Variants in ITGB6 observed in about 807,000 individuals in gnomAD.
ITGB6 encodes integrin beta-6.
ITGB6 carries 80 observed loss-of-function variants against 84.5 expected under a neutral mutation model. The ratio of observed to expected loss-of-function variants is 0.95; its 90% CI spans 0.79 to 1.14. ITGB6 has a LOEUF of 1.14. ITGB6 is among the 50% of genes most tolerant of loss of function. The probability of loss-of-function intolerance (pLI) is 0.00; values close to 1 mark genes in which losing one functional copy is unlikely to be tolerated. For synonymous variants in ITGB6, 383 were observed against 354.9 expected, an observed-to-expected ratio of 1.08 and a Z score of -0.89; for missense variants, 1,006 against 968.0, an observed-to-expected ratio of 1.04 and a Z score of -0.52.
intron 10 of ITGB6, among the ~76,000 whole-genome samples, chr2:160,134,094 C>CA (rs1182427352): frequency 1.2e-4 from 18 of 152,024 alleles, no homozygotes; most frequent in African/African-American, 3.9e-4. Flanking sequence ...TAAAACCCTT[C>CA]AAAAAATCAA....
intron 10 of ITGB6, among the ~76,000 whole-genome samples, chr2:160,134,367 T>C (rs1446410922): frequency 2.6e-5 from 4 of 152,172 alleles, no homozygotes; most frequent in Non-Finnish European, 2.9e-5. Context: ...AGAAGTTGAA[T>C]CTCTGAATAG....
At chr2:160,115,505 C>G (rs1682727599) in intron 12 of ITGB6, among the ~76,000 whole-genome samples, 1 of 152,214 alleles carries the variant, frequency 6.6e-6, no homozygotes, top group South Asian at 2.1e-4. Context: ...ACCAAAAACC[C>G]TTCTGTACAT....
intron 4 of ITGB6, among the ~76,000 whole-genome samples, chr2:160,189,402 C>T (rs191689569): frequency 3.9e-5 from 6 of 152,258 alleles, no homozygotes; most frequent in East Asian, 1.9e-4. Flanking sequence ...AAACCACCAT[C>T]GGAATGAACA....
Position 160,150,661 on chromosome 2 carries a change from G to A in ITGB6, c.1018-8590C>T, listed in dbSNP as rs140430938. 1.1e-3 allele frequency among the ~76,000 whole-genome samples: 168 copies of A among 152,234 alleles called. 2 individuals carry two copies. The highest frequency in any genetic ancestry group is 1.9e-3 in the Non-Finnish European group (130 of 68,012). ...TGTCCCAATTAAAAGACACAGACTG[G>A]CAAATTGGATAAGGAGTCAAGACCC... On this transcript the variant is annotated intron_variant, in intron 7 of 14. Transcript: ENST00000283249.
chr2:160,152,216 A>G lies in ITGB6; in HGVS notation c.1018-10145T>C, dbSNP rs190434375. Among the ~76,000 whole-genome samples, 1,329 of 152,286 alleles carry G rather than the reference A, an allele frequency of 8.7e-3. 27 individuals are homozygous for G. Among genetic ancestry groups the G allele is most frequent in the African/African-American group, 0.031 (1,283 of 41,566 alleles). ...ATCCTCAATAAAATACTGGCAAACCAAATCCAGCAGCACATCAAAAAAGCT... is the reference window on the plus strand; with the variant it reads ...ATCCTCAATAAAATACTGGCAAACCGAATCCAGCAGCACATCAAAAAAGCT... On this transcript the variant is annotated intron_variant, in intron 7 of 14. Transcript: ENST00000283249.
intron 4 of ITGB6, among the ~76,000 whole-genome samples, chr2:160,180,626 A>T (rs2105879646): frequency 6.6e-6 from 1 of 152,286 alleles, no homozygotes; most frequent in East Asian, 1.9e-4. Context: ...AGTAATTCAG[A>T]GATGTCATTT....
chr2:160,187,053 C>T (rs1396433292), intron 4 of ITGB6, among the ~76,000 whole-genome samples: 4 of 152,004 alleles, frequency 2.6e-5, no homozygotes, highest in African/African-American at 9.7e-5. Flanking sequence ...AACCATGGCA[C>T]ATATATACCT....
chr2:160,172,596 C>T lies in ITGB6; in HGVS notation c.894G>A (p.Lys298=). 5 of 1,608,438 alleles carry T rather than the reference C, an allele frequency of 3.1e-6. No individual in the cohort carries two copies. In the South Asian group the frequency reaches 5.5e-5, roughly 18 times the overall value. Residue 298 remains lysine, a synonymous_variant, in exon 6 of 15, where the codon AAG becomes AAA. Coordinates refer to ENST00000283249, the MANE Select transcript of ITGB6 (RefSeq NM_000888.5). ...PNDGLCHLDS[K]NEYSMSTVLE... ...AGACAGTTGACATGGAGTATTCATT[C>T]TTGCTGTCCAAGTGACAGAGCCCGT...
chr2:160,180,788 C>A (rs919906366), intron 4 of ITGB6, among the ~76,000 whole-genome samples: 1 of 152,084 alleles, frequency 6.6e-6, no homozygotes, highest in African/African-American at 2.4e-5. Context: ...ACTGAGGTAC[C>A]CAGCTCATCT....
chr2:160,156,935 A>G (rs1294364761), intron 7 of ITGB6, among the ~76,000 whole-genome samples: 1 of 152,122 alleles, frequency 6.6e-6, no homozygotes, highest in Non-Finnish European at 1.5e-5. Flanking sequence ...GGGTATGTTC[A>G]TTTCCTTGGG....
Position 160,131,299 on chromosome 2 carries a change from GC to G in ITGB6, c.1661-4699del, listed in dbSNP as rs977092060. Among the ~76,000 whole-genome samples, 21 of 152,246 alleles carry G rather than the reference GC, an allele frequency of 1.4e-4. No individual in the cohort carries two copies. The East Asian group carries it at 4.1e-3, about 29-fold the overall frequency. On this transcript the variant is annotated intron_variant, in intron 10 of 14. Transcript: ENST00000283249. ...AATACAGGAGACTAATGGAATTTGG[GC>G]AAGGAAAAAATCAATGGAGCTCTGT...
At chr2:160,125,367 T>C (rs1683197093) in intron 11 of ITGB6, among the ~76,000 whole-genome samples, 1 of 152,222 alleles carries the variant, frequency 6.6e-6, no homozygotes, top group Admixed American at 6.5e-5. Context: ...TAATTTCCTA[T>C]CTTGAAATTC....
At chr2:160,192,735 T>C (rs528249084) in intron 4 of ITGB6, among the ~76,000 whole-genome samples, 13 of 152,142 alleles carry the variant, frequency 8.5e-5, no homozygotes, top group African/African-American at 3.1e-4. Flanking sequence ...TTTGGCAAAA[T>C]ATATTTGACA....
chr2:160,145,324 A>G (rs1684146646), intron 7 of ITGB6, among the ~76,000 whole-genome samples: 1 of 152,138 alleles, frequency 6.6e-6, no homozygotes, highest in Admixed American at 6.5e-5. Flanking sequence ...TAACCGAATT[A>G]TGGATTTTCC....
intron 7 of ITGB6, among the ~76,000 whole-genome samples, chr2:160,152,317 C>G (rs1684457202): frequency 3.9e-5 from 6 of 152,154 alleles, no homozygotes; most frequent in Admixed American, 3.3e-4. Flanking sequence ...TAAACATAAT[C>G]CATCACATAA....
intron 10 of ITGB6, among the ~76,000 whole-genome samples, chr2:160,134,796 G>C (rs969262826): frequency 2.0e-5 from 3 of 152,102 alleles, no homozygotes; most frequent in African/African-American, 7.2e-5. Context: ...CAGAACCAAT[G>C]GCAAAACCAC....
At chr2:160,160,310 G>A (rs558189142) in intron 7 of ITGB6, among the ~76,000 whole-genome samples, 3 of 152,134 alleles carry the variant, frequency 2.0e-5, no homozygotes, top group African/African-American at 7.2e-5. Flanking sequence ...ATATTGCATG[G>A]GACATATTTA....
At chr2:160,181,218 C>T (rs1020905635) in intron 4 of ITGB6, among the ~76,000 whole-genome samples, 3 of 152,170 alleles carry the variant, frequency 2.0e-5, no homozygotes, top group Non-Finnish European at 4.4e-5. Context: ...TCATGGAGCC[C>T]AGCAAGCTAA....
At chr2:160,169,086 C>T (rs542039278) in intron 7 of ITGB6, 126 bp downstream of exon 7, 5 of 593,106 alleles carry the variant, frequency 8.4e-6, no homozygotes, top group East Asian at 8.1e-5. Flanking sequence ...GCCAAGCGCC[C>T]AGTACATTTG....
Sources: allele counts gnomAD v4.1 joint callset (sites outside exome capture counted in the v4.1 genomes callset), GRCh38; gene constraint gnomAD v4.1.1; transcripts MANE v1.5; gene names NCBI Gene and HGNC (gene_info 2026-07-23, HGNC 2026-07-21).